AVEN: variants seen among roughly 807,000 people sequenced by gnomAD.
The protein encoded by AVEN is apoptosis and caspase activation inhibitor, also known as cell death regulator Aven.
Under a neutral mutation model 38.1 loss-of-function variants are expected in AVEN, and 41 were observed. The observed-to-expected ratio is 1.08, with a 90% CI of 0.84 to 1.40. The LOEUF (loss-of-function observed/expected upper bound fraction) is 1.40, where lower values mean the gene tolerates loss of function less well. Among genes scored for constraint, AVEN ranks in the 40% most tolerant of loss-of-function variants. The pLI is 0.00. For missense variants in AVEN, 605 were observed against 438.8 expected, an observed-to-expected ratio of 1.38 and a Z score of -3.38; for synonymous variants, 206 against 171.8, an observed-to-expected ratio of 1.20 and a Z score of -1.56.
intron 2 of AVEN, among the ~76,000 whole-genome samples, chr15:33,971,633 G>A (rs1895641861): frequency 6.6e-6 from 1 of 151,894 alleles, no homozygotes; most frequent in Admixed American, 6.6e-5. Flanking sequence ...AACTTAAAGG[G>A]ACATTGCATA....
chr15:34,018,786 G>A (rs1377855511), intron 1 of AVEN, among the ~76,000 whole-genome samples: 1 of 152,340 alleles, frequency 6.6e-6, no homozygotes, highest in East Asian at 1.9e-4. Flanking sequence ...TCCATTTACA[G>A]AGTGCTGATT....
the AVEN span, chr15:33,852,964 G>C: frequency 4.2e-6 from 5 of 1,181,288 alleles, no homozygotes; most frequent in Non-Finnish European, 6.2e-6. Context: ...CCAGATCCAG[G>C]CACTCAAACT....
intron 2 of AVEN, among the ~76,000 whole-genome samples, chr15:33,963,051 C>T (rs1414354333): frequency 2.7e-5 from 4 of 150,742 alleles, no homozygotes; most frequent in Non-Finnish European, 5.9e-5. Context: ...CAACTCCTAA[C>T]AGTTAGATGC....
At chr15:33,888,401 A>G (rs927522157) in intron 2 of AVEN, among the ~76,000 whole-genome samples, 1 of 152,186 alleles carries the variant, frequency 6.6e-6, no homozygotes, top group East Asian at 1.9e-4. Context: ...GATCCGACGG[A>G]AAACAAAGAG....
chr15:33,862,596 G>C (rs1462745278), downstream of AVEN, among the ~76,000 whole-genome samples: 1 of 152,132 alleles, frequency 6.6e-6, no homozygotes, highest in Non-Finnish European at 1.5e-5. Context: ...TGGGGGATGA[G>C]TTTAAGTCAA....
chr15:33,934,210 CAAA>C (rs34165431), intron 2 of AVEN, among the ~76,000 whole-genome samples: 1,912 of 141,590 alleles, frequency 0.014, 48 homozygotes, highest in African/African-American at 0.048. Flanking sequence ...CCCATCTCTA[CAAA>C]AAAAAAAAAA....
chr15:33,984,783 C>T (rs1043907319), intron 2 of AVEN, among the ~76,000 whole-genome samples: 1 of 152,100 alleles, frequency 6.6e-6, no homozygotes, highest in African/African-American at 2.4e-5. Context: ...AAAAATGAGA[C>T]AAACGTTAGT....
chr15:34,051,901 G>A (rs570348768), intron 5 of AVEN, among the ~76,000 whole-genome samples: 2 of 151,796 alleles, frequency 1.3e-5, no homozygotes, highest in East Asian at 3.9e-4. Context: ...CAGATTTACA[G>A]CAGAATTCTA....
chr15:34,025,582 T>C (rs1898419788), intron 1 of AVEN, among the ~76,000 whole-genome samples: 1 of 152,308 alleles, frequency 6.6e-6, no homozygotes, highest in Middle Eastern at 3.4e-3. Context: ...TAAATAGAAT[T>C]GTAGCAATGT....
At position 33,866,748 on chromosome 15, in the gene AVEN, G is replaced by C. The variant is rs565207210; in HGVS notation, c.974-20C>G. On this transcript the variant is annotated intron_variant, in intron 5 of 5. Coordinates refer to ENST00000306730, the MANE Select transcript of AVEN (RefSeq NM_020371.3). Reference sequence around the variant, plus strand: ...CACAAACTGGGGGAAAAAAAACAATGTTAACACCCTCAGATGAGTCCTAAA... The same window carrying C: ...CACAAACTGGGGGAAAAAAAACAATCTTAACACCCTCAGATGAGTCCTAAA... 8.4e-6 allele frequency: 13 copies of C among 1,551,818 alleles called. No individual in the cohort carries two copies. The South Asian group carries it at 1.0e-4, about 12-fold the overall frequency.
At chr15:33,873,094 CTTT>C (rs34223352) in intron 3 of AVEN, among the ~76,000 whole-genome samples, 4 of 85,136 alleles carry the variant, frequency 4.7e-5, no homozygotes, top group South Asian at 1.2e-3. Context: ...TTTTCCTTTT[CTTT>C]TTTTTTTTTT....
chr15:33,910,985 G>A (rs1206828846), intron 2 of AVEN, among the ~76,000 whole-genome samples: 2 of 152,160 alleles, frequency 1.3e-5, no homozygotes, highest in East Asian at 1.9e-4. Context: ...GTTTTAAACC[G>A]ATGAATCATT....
intron 1 of AVEN, among the ~76,000 whole-genome samples, chr15:34,015,784 C>T (rs1030696629): frequency 6.6e-6 from 1 of 152,166 alleles, no homozygotes; most frequent in Non-Finnish European, 1.5e-5. Context: ...TTTCCTTCTC[C>T]AAGTCCTTAT....
At chr15:33,870,867 G>A in intron 4 of AVEN, 68 bp downstream of exon 4, 1 of 1,126,452 alleles carries the variant, frequency 8.9e-7, no homozygotes, top group Non-Finnish European at 1.3e-6. Flanking sequence ...CCTGCTGAGG[G>A]AAGTGTTCCC....
intron 2 of AVEN, among the ~76,000 whole-genome samples, chr15:33,904,708 T>TACACACACACACACAC (rs568492308): frequency 5.7e-4 from 65 of 114,986 alleles, no homozygotes; most frequent in Non-Finnish European, 7.0e-4. Flanking sequence ...TATATATATA[T>TACACACACACACACAC]ATATATATAC....
At chr15:33,867,909 T>G (rs1597166877) in intron 4 of AVEN, 54 bp from the exon 5 acceptor site, 1 of 1,516,840 alleles carries the variant, frequency 6.6e-7, no homozygotes, top group East Asian at 2.3e-5. Context: ...CCATATTGGC[T>G]TAAGTAAATA....
intron 2 of AVEN, among the ~76,000 whole-genome samples, chr15:33,979,497 G>A (rs1013740706): frequency 6.6e-6 from 1 of 152,146 alleles, no homozygotes; most frequent in Non-Finnish European, 1.5e-5. Context: ...AAACAAGCAA[G>A]CAAATAAAAC....
chr15:33,878,292 A>C (rs963503008), intron 2 of AVEN, among the ~76,000 whole-genome samples: 1 of 152,172 alleles, frequency 6.6e-6, no homozygotes, highest in Admixed American at 6.5e-5. Flanking sequence ...AAAAGTCTCA[A>C]TAAATAAAAT....
At chr15:34,068,118 G>C (rs530890052) in intron 2 of AVEN, among the ~76,000 whole-genome samples, 4 of 140,958 alleles carry the variant, frequency 2.8e-5, no homozygotes, top group South Asian at 2.3e-4. Context: ...TGCTCTCTCT[G>C]TATGTGTGTG....
Sources: allele counts gnomAD v4.1 joint callset (sites outside exome capture counted in the v4.1 genomes callset), GRCh38; gene constraint gnomAD v4.1.1; transcripts MANE v1.5; gene names NCBI Gene and HGNC (gene_info 2026-07-23, HGNC 2026-07-21).